Variants in EML4 observed in about 807,000 individuals in gnomAD.
EML4 encodes EMAP like 4.
EML4 carries 72 observed loss-of-function variants against 129.0 expected under a neutral mutation model. The observed-to-expected ratio is 0.56, with a 90% CI of 0.46 to 0.68. EML4 has a LOEUF of 0.68. Among genes scored for constraint, EML4 ranks in the 30% least tolerant of loss-of-function variants. The pLI, the probability that EML4 is intolerant of heterozygous loss-of-function variation, is 0.00. For synonymous variants in EML4, 532 were observed against 405.0 expected, an observed-to-expected ratio of 1.31 and a Z score of -3.77; for missense variants, 1,363 against 1,190.6, an observed-to-expected ratio of 1.14 and a Z score of -2.13.
chr2:42,230,933 T>G (rs1674297816), intron 1 of EML4, among the ~76,000 whole-genome samples: 2 of 152,250 alleles, frequency 1.3e-5, no homozygotes. Context: ...CGTGTTAGTA[T>G]AAATAACTCT....
chr2:42,181,075 A>G (rs1446723077), intron 1 of EML4, among the ~76,000 whole-genome samples: 1 of 152,198 alleles, frequency 6.6e-6, no homozygotes, highest in African/African-American at 2.4e-5. Context: ...TTATCCCATT[A>G]CTGATGATGT....
chr2:42,279,676 G>A (rs759374293), intron 6 of EML4, among the ~76,000 whole-genome samples: 33 of 151,742 alleles, frequency 2.2e-4, no homozygotes, highest in Non-Finnish European at 3.8e-4. Flanking sequence ...GGGTTTCACC[G>A]TGTTAGCCAC....
At position 42,284,626 on chromosome 2, in the gene EML4, C is replaced by G. The variant is rs193147701; in HGVS notation, c.942-8C>G. ...GTGTTTAAAATCATTCTTAATACTGCTTTTTAGCCTTGCTATACATCCTGA... is the reference window on the plus strand; with the variant it reads ...GTGTTTAAAATCATTCTTAATACTGGTTTTTAGCCTTGCTATACATCCTGA... On this transcript the variant is annotated splice_polypyrimidine_tract_variant and splice_region_variant and intron_variant, in intron 8 of 22. Coordinates refer to ENST00000318522, the MANE Select transcript of EML4 (RefSeq NM_019063.5). 2.1e-5 allele frequency: 34 copies of G among 1,604,912 alleles called. No individual in the cohort carries two copies. In the East Asian group the frequency reaches 7.6e-4, roughly 36 times the overall value.
intron 1 of EML4, among the ~76,000 whole-genome samples, chr2:42,197,621 A>C (rs184904088): frequency 2.0e-5 from 3 of 152,320 alleles, no homozygotes; most frequent in Admixed American, 1.3e-4. Context: ...CTGTTCTACA[A>C]ATGAGTAATT....
intron 1 of EML4, among the ~76,000 whole-genome samples, chr2:42,214,217 C>G (rs1326278568): frequency 6.6e-6 from 1 of 152,102 alleles, no homozygotes; most frequent in Non-Finnish European, 1.5e-5. Context: ...TCGGTATGAA[C>G]TTAAATAGAA....
At chr2:42,279,283 T>C (rs1206429509) in intron 6 of EML4, among the ~76,000 whole-genome samples, 1 of 152,214 alleles carries the variant, frequency 6.6e-6, no homozygotes, top group Non-Finnish European at 1.5e-5. Context: ...CTCAAGATCC[T>C]AATTTCAGTT....
chr2:42,268,574 C>G (rs1426498720), intron 6 of EML4, among the ~76,000 whole-genome samples: 1 of 152,086 alleles, frequency 6.6e-6, no homozygotes, highest in Non-Finnish European at 1.5e-5. Flanking sequence ...GTAGCTGAGA[C>G]TACAGGCACA....
intron 17 of EML4, among the ~76,000 whole-genome samples, chr2:42,310,444 C>G (rs1357566215): frequency 6.6e-6 from 1 of 152,082 alleles, no homozygotes; most frequent in East Asian, 1.9e-4. Context: ...CTCCTGGGTT[C>G]AAGTGATTCT....
Position 42,232,079 on chromosome 2 carries a change from T to C in EML4, c.26-13426T>C, listed in dbSNP as rs753439949. ...TCAAATATCTGGATGAATAGGAGTT[T>C]TGAAAAAGAGATTTGACTGTAACAG... On this transcript the variant is annotated intron_variant, in intron 1 of 22. Transcript: ENST00000318522. Among the ~76,000 whole-genome samples the C allele has an allele frequency of 1.8e-3, 276 of 152,312 alleles. 1 individual carries two copies. Among genetic ancestry groups the C allele is most frequent in the African/African-American group, 6.1e-3 (254 of 41,576 alleles).
intron 1 of EML4, among the ~76,000 whole-genome samples, chr2:42,228,161 C>T (rs934524954): frequency 6.6e-6 from 1 of 151,416 alleles, no homozygotes; most frequent in Non-Finnish European, 1.5e-5. Context: ...GCCAAGGTTG[C>T]AGTGAGCCAA....
At chr2:42,319,747 T>C (rs1669424884) in intron 19 of EML4, 1 of 152,178 alleles carries the variant, frequency 6.6e-6, no homozygotes, top group African/African-American at 2.4e-5. Context: ...TATAGCATTG[T>C]TGTAAAGATG....
At chr2:42,252,591 C>G (rs553050213) in intron 2 of EML4, among the ~76,000 whole-genome samples, 52 of 152,274 alleles carry the variant, frequency 3.4e-4, no homozygotes, top group African/African-American at 1.2e-3. Context: ...TCTCTGTGAA[C>G]TATCCCCTCT....
At chr2:42,188,529 A>G (rs1201915706) in intron 1 of EML4, among the ~76,000 whole-genome samples, 1 of 150,178 alleles carries the variant, frequency 6.7e-6, no homozygotes, top group Non-Finnish European at 1.5e-5. Context: ...GGGTACTTAT[A>G]TTTTAGGGTT....
At chr2:42,325,236 A>G (rs746430604) in intron 19 of EML4, 1 of 589,086 alleles carries the variant, frequency 1.7e-6, no homozygotes. Context: ...AGTGTCTAAT[A>G]CAGGTAGTAG....
intron 22 of EML4, 127 bp downstream of exon 22, chr2:42,329,143 G>C: frequency 1.1e-6 from 1 of 876,114 alleles, no homozygotes; most frequent in Non-Finnish European, 1.7e-6. Context: ...AGGGAGATAA[G>C]GGCCATCGGT....
intron 1 of EML4, among the ~76,000 whole-genome samples, chr2:42,177,406 A>G (rs939201206): frequency 2.6e-5 from 4 of 152,094 alleles, no homozygotes; most frequent in African/African-American, 9.7e-5. Context: ...GGCTCACTTG[A>G]GCTCAGGAGT....
chr2:42,322,547 A>C (rs765077826), intron 19 of EML4, among the ~76,000 whole-genome samples: 9 of 152,288 alleles, frequency 5.9e-5, no homozygotes, highest in African/African-American at 2.2e-4. Context: ...ATTTAACTCA[A>C]ATATTTCTGA....
chr2:42,215,809 T>C (rs1673150250), intron 1 of EML4, among the ~76,000 whole-genome samples: 1 of 152,246 alleles, frequency 6.6e-6, no homozygotes, highest in Admixed American at 6.5e-5. Flanking sequence ...CTTAGAACTT[T>C]TAAATCTGCC....
intron 2 of EML4, among the ~76,000 whole-genome samples, chr2:42,249,955 A>C (rs1390533416): frequency 2.0e-5 from 3 of 152,202 alleles, no homozygotes; most frequent in Admixed American, 6.5e-5. Flanking sequence ...ACTTCGGAGC[A>C]AAAGGGAAGG....
Sources: gnomAD v4.1 joint callset for allele counts (sites outside exome capture counted in the v4.1 genomes callset) on GRCh38, gnomAD v4.1.1 for gene constraint, MANE v1.5 for transcripts, NCBI Gene and HGNC (gene_info 2026-07-23, HGNC 2026-07-21) for gene names.